The following MGAT4C variants were observed in gnomAD, a reference collection of about 807,000 sequenced individuals.
MGAT4C encodes the protein alpha-1,3-mannosyl-glycoprotein 4-beta-N-acetylglucosaminyltransferase C.
In MGAT4C, 19 loss-of-function variants were observed where a neutral mutation model predicts 40.1. The observed-to-expected ratio is 0.47, with a 90% CI of 0.33 to 0.70. The LOEUF (loss-of-function observed/expected upper bound fraction) is 0.70. Ranked by LOEUF, MGAT4C falls within the 30% of genes least tolerant of loss-of-function variation. The pLI is 0.02. For missense variants in MGAT4C, 491 were observed against 563.2 expected (o/e 0.87, Z 1.30); for synonymous variants, 181 against 187.1 (o/e 0.97, Z 0.27).
At chr12:86,160,511 AATATG>A (rs1358291543) in intron 1 of MGAT4C, among the ~76,000 whole-genome samples, 1 of 151,990 alleles carries the variant, frequency 6.6e-6, no homozygotes, top group Non-Finnish European at 1.5e-5. Context: ...TCAATCTTAG[AATATG>A]TTCTGTGTGC....
chr12:86,323,952 A>G (rs1954460857), intron 4 of MGAT4C, among the ~76,000 whole-genome samples: 1 of 151,988 alleles, frequency 6.6e-6, no homozygotes, highest in African/African-American at 2.4e-5. Flanking sequence ...ATTGTATTTT[A>G]ATATGGACTA....
At chr12:86,741,771 C>G (rs1292369357) in intron 1 of MGAT4C, among the ~76,000 whole-genome samples, 1 of 151,342 alleles carries the variant, frequency 6.6e-6, no homozygotes, top group East Asian at 1.9e-4. Flanking sequence ...TTCATGTCAT[C>G]TAAGGACTCT....
chr12:86,231,908 G>A (rs1273606061), intron 1 of MGAT4C, among the ~76,000 whole-genome samples: 1 of 152,118 alleles, frequency 6.6e-6, no homozygotes, highest in Non-Finnish European at 1.5e-5. Flanking sequence ...GGAGGCCAAG[G>A]CGGGGTGATC....
chr12:86,635,415 T>C (rs1169401473), intron 2 of MGAT4C, among the ~76,000 whole-genome samples: 3 of 152,056 alleles, frequency 2.0e-5, no homozygotes, highest in Admixed American at 1.3e-4. Context: ...ATCAATTACA[T>C]AGTATAGAAA....
intron 1 of MGAT4C, among the ~76,000 whole-genome samples, chr12:86,250,734 TA>T (rs1467289718): frequency 6.6e-6 from 1 of 152,134 alleles, no homozygotes; most frequent in Non-Finnish European, 1.5e-5. Flanking sequence ...GAAAAGTTCC[TA>T]AAAGTTATTT....
chr12:86,054,217 TAAAG>T (rs1007268624), intron 1 of MGAT4C, among the ~76,000 whole-genome samples: 10 of 151,910 alleles, frequency 6.6e-5, no homozygotes, highest in Admixed American at 5.3e-4. Flanking sequence ...GATAAATGGA[TAAAG>T]AAAAACTATT....
chr12:86,358,683 T>C lies in MGAT4C; in HGVS notation c.-119-24556A>G, dbSNP rs373479056. On this transcript the variant is annotated intron_variant, in intron 3 of 7. Coordinates refer to the MGAT4C transcript ENST00000548651. The stretch of plus-strand genomic sequence containing the variant: ...AAAAAGCAGGGTTGCAATCCTAGTC[T>C]CTGATGAAACAGACTTTAAACCAAC... Among the ~76,000 whole-genome samples, 6 of 152,248 alleles carry C rather than the reference T, an allele frequency of 3.9e-5. No individual in the cohort carries two copies. The South Asian group carries it at 1.0e-3, about 26-fold the overall frequency.
At chr12:86,145,693 G>GATAA (rs1883417141) in intron 1 of MGAT4C, among the ~76,000 whole-genome samples, 1 of 152,088 alleles carries the variant, frequency 6.6e-6, no homozygotes, top group Admixed American at 6.5e-5. Context: ...TGCTAATTTG[G>GATAA]TAGTCATTTA....
intron 3 of MGAT4C, among the ~76,000 whole-genome samples, chr12:86,398,184 T>C (rs971845103): frequency 5.3e-5 from 8 of 152,174 alleles, no homozygotes; most frequent in Admixed American, 4.6e-4. Flanking sequence ...TTAAAGTCAG[T>C]ATCACCAAGC....
At chr12:86,508,369 C>G (rs1255530645) in intron 2 of MGAT4C, among the ~76,000 whole-genome samples, 1 of 152,252 alleles carries the variant, frequency 6.6e-6, no homozygotes. Context: ...TCATCCATGT[C>G]CCTACAAAGG....
chr12:86,656,360 A>G (rs1448051160), intron 2 of MGAT4C, among the ~76,000 whole-genome samples: 3 of 152,066 alleles, frequency 2.0e-5, no homozygotes, highest in Non-Finnish European at 1.5e-5. Flanking sequence ...TAATTTGTGT[A>G]TTTTAGAGGG....
At chr12:85,994,241 A>G (rs61931064) in intron 2 of MGAT4C, among the ~76,000 whole-genome samples, 38,933 of 152,264 alleles carry the variant, frequency 0.26, 5,667 homozygotes, top group Non-Finnish European at 0.33. Context: ...GAATAATGAC[A>G]GTCGTCTAAA....
intron 1 of MGAT4C, among the ~76,000 whole-genome samples, chr12:86,119,934 G>T (rs188113629): frequency 2.6e-5 from 4 of 151,684 alleles, no homozygotes; most frequent in African/African-American, 9.6e-5. Flanking sequence ...AATGCCATTT[G>T]AATAATGTCA....
At chr12:86,816,877 C>CTGT (rs1457368714) in intron 1 of MGAT4C, among the ~76,000 whole-genome samples, 1 of 151,164 alleles carries the variant, frequency 6.6e-6, no homozygotes, top group Non-Finnish European at 1.5e-5. Context: ...TTGTTTCTCA[C>CTGT]TGTTATTATT....
At chr12:86,550,405 G>A (rs7978196) in intron 2 of MGAT4C, among the ~76,000 whole-genome samples, 8,425 of 152,198 alleles carry the variant, frequency 0.055, 354 homozygotes, top group East Asian at 0.19. Flanking sequence ...AATAGCTGCT[G>A]GGAATTCACA....
intron 1 of MGAT4C, among the ~76,000 whole-genome samples, chr12:86,052,983 G>T (rs975738551): frequency 6.6e-6 from 1 of 151,972 alleles, no homozygotes; most frequent in Non-Finnish European, 1.5e-5. Context: ...AGGAGGCAAA[G>T]TGTTCACTTT....
At chr12:86,056,149 A>G (rs1345694044) in intron 1 of MGAT4C, among the ~76,000 whole-genome samples, 1 of 152,148 alleles carries the variant, frequency 6.6e-6, no homozygotes, top group East Asian at 1.9e-4. Context: ...TGTTAGCTCT[A>G]TTATGAGCTA....
chr12:86,717,964 T>C (rs967711367), intron 2 of MGAT4C, among the ~76,000 whole-genome samples: 10 of 152,322 alleles, frequency 6.6e-5, no homozygotes, highest in Admixed American at 6.5e-4. Context: ...TGAAAATTTA[T>C]GTTAACCAGT....
chr12:86,809,949 T>G (rs1201293705), intron 1 of MGAT4C, among the ~76,000 whole-genome samples: 9 of 152,058 alleles, frequency 5.9e-5, no homozygotes, highest in African/African-American at 2.2e-4. Context: ...CTTTAGATAA[T>G]TCTGCAGACA....
Sources: gnomAD v4.1 joint callset for allele counts (sites outside exome capture counted in the v4.1 genomes callset) on GRCh38, gnomAD v4.1.1 for gene constraint, MANE v1.5 for transcripts, NCBI Gene and HGNC (gene_info 2026-07-23, HGNC 2026-07-21) for gene names.